Variants in CACNA2D2 observed in about 807,000 individuals in gnomAD.
The protein encoded by CACNA2D2 is voltage-dependent calcium channel subunit alpha-2/delta-2.
In CACNA2D2, 48 loss-of-function variants were observed where a neutral mutation model predicts 166.4. The observed-to-expected ratio is 0.29, with a 90% CI of 0.23 to 0.37. The LOEUF is 0.37. CACNA2D2 is among the 10% of genes least tolerant of loss of function. CACNA2D2 has a pLI of 1.00. For missense variants in CACNA2D2, 1,122 were observed against 1,433.0 expected (o/e 0.78, Z 3.50); for synonymous variants, 561 against 573.7 (o/e 0.98, Z 0.32).
chr3:50,366,196 G>A lies in CACNA2D2; in HGVS notation c.2710-33C>T. 6.2e-7 allele frequency: 1 copy of A among 1,613,950 alleles called. No individual in the cohort carries two copies. The highest frequency in any genetic ancestry group is 2.2e-5 in the East Asian group (1 of 44,886). ...TGTCAGGAGAAAGCCATGGTCACAG[G>A]GCTGGCAGTGCTACACCCCTAGAAG... On this transcript the variant is annotated intron_variant, in intron 31 of 37. Transcript: ENST00000424201. The surrounding 1 kb of genome is among the most constrained non-coding windows in gnomAD (Gnocchi z 5.9).
At chr3:50,395,289 G>A (rs1340598085) in intron 3 of CACNA2D2, among the ~76,000 whole-genome samples, 4 of 152,306 alleles carry the variant, frequency 2.6e-5, no homozygotes, top group African/African-American at 7.2e-5. Flanking sequence ...AGGACGGCCA[G>A]GCACAGAGAC....
chr3:50,375,312 G>A lies in CACNA2D2; in HGVS notation c.1907+332C>T, dbSNP rs761422092. 1.4e-4 allele frequency among the ~76,000 whole-genome samples: 21 copies of A among 152,188 alleles called. No individual in the cohort carries two copies. The highest frequency in any genetic ancestry group is 5.2e-4 in the Admixed American group (8 of 15,284). ...ATTTCAGGATGGACTAGCTGTGTGG[G>A]GCAGGCAGAGGTCAGCCTGCACTGA... On this transcript the variant is annotated intron_variant, in intron 21 of 37. Transcript: ENST00000424201. This position sits in a 1 kb window ranked among gnomAD's most constrained non-coding sequence, Gnocchi z 4.0.
intron 5 of CACNA2D2, among the ~76,000 whole-genome samples, chr3:50,387,216 C>T (rs41291732): frequency 1.3e-5 from 2 of 152,286 alleles, no homozygotes; most frequent in Non-Finnish European, 2.9e-5. Flanking sequence ...CTGCATCCTG[C>T]TCACACCTGC....
At chr3:50,386,004 A>T (rs991184587) in intron 5 of CACNA2D2, among the ~76,000 whole-genome samples, 1 of 152,046 alleles carries the variant, frequency 6.6e-6, no homozygotes, top group Admixed American at 6.5e-5. Context: ...ATTTAAAAGT[A>T]AATGGTCTAG....
intron 3 of CACNA2D2, among the ~76,000 whole-genome samples, chr3:50,429,769 C>T (rs766823880): frequency 4.7e-5 from 7 of 147,410 alleles, no homozygotes; most frequent in Non-Finnish European, 7.5e-5. Flanking sequence ...GACTCCGTCT[C>T]GAAAAAAAAA....
At chr3:50,472,519 G>C (rs1052749265) in intron 2 of CACNA2D2, among the ~76,000 whole-genome samples, 8 of 152,170 alleles carry the variant, frequency 5.3e-5, no homozygotes, top group African/African-American at 1.9e-4. Flanking sequence ...CTTCTATAGA[G>C]ATCCTCCAAG....
intron 5 of CACNA2D2, among the ~76,000 whole-genome samples, chr3:50,386,434 G>C (rs1705613357): frequency 6.6e-6 from 1 of 152,210 alleles, no homozygotes; most frequent in Admixed American, 6.5e-5. Context: ...TGCTGAGGGG[G>C]GTAAGGAATT....
intron 2 of CACNA2D2, among the ~76,000 whole-genome samples, 165 bp from the exon 3 acceptor site, chr3:50,434,594 A>C (rs1261773560): frequency 2.0e-5 from 3 of 152,114 alleles, no homozygotes; most frequent in South Asian, 2.1e-4. Context: ...GCCCCCACAG[A>C]CTTGAAGGCA....
intron 1 of CACNA2D2, 75 bp downstream of exon 1, chr3:50,503,140 GGAA>G: frequency 1.2e-6 from 1 of 841,918 alleles, no homozygotes; most frequent in Non-Finnish European, 1.5e-6. Flanking sequence ...CGGAGCGCAG[GGAA>G]GGAGTAGCGC....
chr3:50,363,628 A>C lies in CACNA2D2; in HGVS notation c.*1038T>G. 2 of 209,276 alleles carry C rather than the reference A, an allele frequency of 9.6e-6. No homozygotes were observed. The highest frequency in any genetic ancestry group is 1.9e-5 in the Non-Finnish European group (2 of 106,662). 13.0% of individuals were successfully genotyped at this position (209,276 alleles called of 1,614,324 possible). ...AAGGATGGCCCAGCCAGGAGAGACAAAGTCACCCCTGCTAAGGCAAAGGGT... is the reference window on the plus strand; with the variant it reads ...AAGGATGGCCCAGCCAGGAGAGACACAGTCACCCCTGCTAAGGCAAAGGGT... On this transcript the variant is annotated 3_prime_UTR_variant, in exon 38 of 38. Coordinates refer to ENST00000424201, the MANE Select transcript of CACNA2D2 (RefSeq NM_006030.4).
intron 2 of CACNA2D2, among the ~76,000 whole-genome samples, chr3:50,468,431 G>GTGTGTGTGTGTGTGTGTGTGTA (rs1553751787): frequency 6.8e-6 from 1 of 147,608 alleles, no homozygotes; most frequent in Non-Finnish European, 1.5e-5. Context: ...GTGTGTGTGT[G>GTGTGTGTGTGTGTGTGTGTGTA]TGTGTGTGTG....
intron 2 of CACNA2D2, among the ~76,000 whole-genome samples, chr3:50,458,603 A>G (rs1361447938): frequency 1.3e-5 from 2 of 152,362 alleles, no homozygotes; most frequent in South Asian, 4.1e-4. Context: ...AGCTGCTACA[A>G]GAGAAGTGAA....
chr3:50,411,014 A>G (rs1012554588), intron 3 of CACNA2D2, among the ~76,000 whole-genome samples: 2 of 152,134 alleles, frequency 1.3e-5, no homozygotes, highest in African/African-American at 4.8e-5. Context: ...CAACTTTAAC[A>G]TCCAGAACTC....
chr3:50,467,822 A>G (rs963554263), intron 2 of CACNA2D2, among the ~76,000 whole-genome samples: 4 of 152,188 alleles, frequency 2.6e-5, no homozygotes, highest in African/African-American at 4.8e-5. Flanking sequence ...GAAAAGGTTT[A>G]TGGCTCCGTA....
In CACNA2D2 at chr3:50,379,450, G is replaced by A; in HGVS notation, c.1134C>T (p.Ala378=). The A allele has an allele frequency of 6.2e-7, 1 of 1,613,814 alleles. No homozygotes were observed. The change falls in exon 11 of 38, where the codon GCC becomes GCT. Residue 378 remains alanine, a synonymous_variant. Coordinates refer to ENST00000424201, the MANE Select transcript of CACNA2D2 (RefSeq NM_006030.4). The surrounding 1 kb of genome is among the most constrained non-coding windows in gnomAD (Gnocchi z 6.5). ...GGCTCACGTTCTGCAGCTGGTCAAA[G>A]GCATACTCAAAGCCGGCCTTGTAGC... is the stretch of plus-strand genomic sequence containing the variant. ...TTGYKAGFEY[A]FDQLQNSNIT...
rs1265942055 is a variant in CACNA2D2 at position 50,375,480 on chromosome 3, G to A, written c.1907+164C>T. Among the ~76,000 whole-genome samples, 2 of 152,196 alleles carry A rather than the reference G, an allele frequency of 1.3e-5. No individual in the cohort carries two copies. Among genetic ancestry groups the A allele is most frequent in the African/African-American group, 2.4e-5 (1 of 41,436 alleles). On this transcript the variant is annotated intron_variant, in intron 21 of 37. Coordinates refer to ENST00000424201, the MANE Select transcript of CACNA2D2 (RefSeq NM_006030.4). This position sits in a 1 kb window ranked among gnomAD's most constrained non-coding sequence, Gnocchi z 4.0. ...CCTGCTGCTTGTTCCTTAAAAGCCA[G>A]GGAGTCTCTTGGCAGACTAAGCATC... is the stretch of plus-strand genomic sequence containing the variant.
rs1289140212 is a variant in CACNA2D2, at chr3:50,449,551, G to A, written c.289-15122C>T. 3.9e-5 allele frequency among the ~76,000 whole-genome samples: 6 copies of A among 152,254 alleles called. No individual in the cohort carries two copies. In the South Asian group the frequency reaches 1.0e-3, roughly 26 times the overall value. ...GGTGACTGTGGATTTTAGGCATGGG[G>A]AAGGCAGAAAGGGCATAAAAGGGCA... On this transcript the variant is annotated intron_variant, in intron 2 of 37. Transcript: ENST00000424201.
In CACNA2D2 at chr3:50,389,901, T is replaced by C. The variant is rs587616084; in HGVS notation, c.466-2289A>G. 3.9e-5 allele frequency among the ~76,000 whole-genome samples: 6 copies of C among 151,910 alleles called. No homozygotes were observed. In the South Asian group the frequency reaches 1.2e-3, roughly 32 times the overall value. The stretch of plus-strand genomic sequence containing the variant: ...TGCCCCTTCCTTGGTAAGAAGTACA[T>C]GGATGGTGGCACACAAGGTCATACA... On this transcript the variant is annotated intron_variant, in intron 4 of 37. Transcript: ENST00000424201.
At chr3:50,369,056 C>A (rs1704509886) in intron 23 of CACNA2D2, among the ~76,000 whole-genome samples, 1 of 152,194 alleles carries the variant, frequency 6.6e-6, no homozygotes, top group Non-Finnish European at 1.5e-5. Context: ...GGGCTCATGG[C>A]TTGGTAAGGG....
Sources: gnomAD v4.1 joint callset for allele counts (sites outside exome capture counted in the v4.1 genomes callset) on GRCh38, gnomAD v4.1.1 for gene constraint, Gnocchi (gnomAD v3.1) non-coding constraint, MANE v1.5 for transcripts, NCBI Gene and HGNC (gene_info 2026-07-23, HGNC 2026-07-21) for gene names.